Variants in SPIDR observed in about 807,000 individuals in gnomAD.
SPIDR encodes DNA repair-scaffolding protein.
A neutral mutation model predicts 104.6 loss-of-function variants in SPIDR; 93 were observed. The observed-to-expected ratio is 0.89, with a 90% CI of 0.75 to 1.06. The LOEUF (loss-of-function observed/expected upper bound fraction) is 1.06. Ranked by LOEUF, SPIDR falls within the 50% of genes least tolerant of loss-of-function variation. SPIDR has a pLI of 0.00. For synonymous variants in SPIDR, 431 were observed against 416.9 expected (o/e 1.03, Z -0.41); for missense variants, 1,154 against 1,111.2 (o/e 1.04, Z -0.55).
At chr8:47,576,414 G>A (rs1471544921) in intron 8 of SPIDR, among the ~76,000 whole-genome samples, 1 of 152,210 alleles carries the variant, frequency 6.6e-6, no homozygotes, top group Non-Finnish European at 1.5e-5. Flanking sequence ...GCCTCCCAAA[G>A]TGCTGGGATT....
intron 3 of SPIDR, among the ~76,000 whole-genome samples, chr8:47,289,230 T>C (rs1179690005): frequency 6.6e-6 from 1 of 151,996 alleles, no homozygotes; most frequent in Non-Finnish European, 1.5e-5. Flanking sequence ...AGGCTGGAGT[T>C]TTTTTTGTTT....
At chr8:47,511,481 G>C in intron 8 of SPIDR, 1 of 777,364 alleles carries the variant, frequency 1.3e-6, no homozygotes, top group Non-Finnish European at 2.4e-6. Context: ...AGCCTCCACA[G>C]CTCTGCTGGC....
intron 8 of SPIDR, among the ~76,000 whole-genome samples, chr8:47,469,203 G>T (rs1052981978): frequency 2.0e-5 from 3 of 152,150 alleles, no homozygotes; most frequent in Admixed American, 2.0e-4. Flanking sequence ...ACAGCTGCTG[G>T]CAAGGTTGTG....
At chr8:47,449,096 A>C (rs1564002351) in intron 8 of SPIDR, among the ~76,000 whole-genome samples, 1 of 152,100 alleles carries the variant, frequency 6.6e-6, no homozygotes, top group Non-Finnish European at 1.5e-5. Context: ...AGTGTGGAAA[A>C]AGGTGGTGCT....
At chr8:47,263,424 G>A (rs1358031269) in intron 1 of SPIDR, among the ~76,000 whole-genome samples, 4 of 150,622 alleles carry the variant, frequency 2.7e-5, no homozygotes, top group African/African-American at 7.3e-5. Flanking sequence ...TCGCTCTGTC[G>A]CCCAGGCTGG....
chr8:47,707,941 A>C (rs2081311815), intron 14 of SPIDR, among the ~76,000 whole-genome samples: 1 of 152,184 alleles, frequency 6.6e-6, no homozygotes, highest in African/African-American at 2.4e-5. Flanking sequence ...TTCCTGATAA[A>C]TTTGCATTGG....
In SPIDR at chr8:47,701,748, T is replaced by TTG. The variant is rs1169864076; in HGVS notation, c.1805_1806dup (p.Tyr603ValfsTer15). The TTG allele has an allele frequency of 6.2e-7, 1 of 1,614,162 alleles. No homozygotes were observed. Among genetic ancestry groups the TTG allele is most frequent in the Middle Eastern group, 1.6e-4 (1 of 6,062 alleles). On this transcript the variant is annotated frameshift_variant, in exon 13 of 20. Transcript: ENST00000297423. LOFTEE classifies it high-confidence loss of function. The stretch of plus-strand genomic sequence containing the variant: ...AAAAACTCATCTGCCTCCTCCAGCC[T>TTG]TGTGTTACATCCTCACAGCTCATCC...
rs998140269 is a variant in SPIDR, at chr8:47,401,418, C to T, written c.776+4792C>T. 9.1e-4 allele frequency among the ~76,000 whole-genome samples: 138 copies of T among 152,152 alleles called. 6 individuals carry two copies. Among genetic ancestry groups the T allele is most frequent in the Non-Finnish European group, 7.3e-5 (5 of 68,034 alleles). On this transcript the variant is annotated intron_variant, in intron 6 of 19. Transcript: ENST00000297423. ...GACCATTGAGGCTAGGAAGAAACTGCATCAACTAACGAGCAAAATAACCAG... is the reference window on the plus strand; with the variant it reads ...GACCATTGAGGCTAGGAAGAAACTGTATCAACTAACGAGCAAAATAACCAG...
chr8:47,281,317 A>C (rs1161544924), intron 2 of SPIDR, among the ~76,000 whole-genome samples: 1 of 152,156 alleles, frequency 6.6e-6, no homozygotes, highest in East Asian at 1.9e-4. Context: ...AGTTTCCTAA[A>C]ATAAGGCAAA....
At chr8:47,598,620 A>G (rs1459031306) in intron 9 of SPIDR, among the ~76,000 whole-genome samples, 2 of 152,204 alleles carry the variant, frequency 1.3e-5, no homozygotes, top group Non-Finnish European at 2.9e-5. Context: ...TTACCTCAAA[A>G]GAGAAAAATT....
chr8:47,599,099 C>G lies in SPIDR; in HGVS notation c.1447C>G (p.Arg483Gly). 6.2e-7 allele frequency: 1 copy of G among 1,612,542 alleles called. No homozygotes were observed. The highest frequency in any genetic ancestry group is 8.5e-7 in the Non-Finnish European group (1 of 1,179,356). ...TGCCTCGTGGCCAGGAGCTGGAGTCCGAGTGGTGGTGCAAAGAGTGTATTC... is the reference window on the plus strand; with the variant it reads ...TGCCTCGTGGCCAGGAGCTGGAGTCGGAGTGGTGGTGCAAAGAGTGTATTC... ...GAASWPGAGV[R>G]VVVQRVYSLP... The change falls in exon 10 of 20, where the codon CGA (arginine) becomes GGA (glycine). Residue 483 changes from arginine (R) to glycine (G), a missense_variant. Physicochemically the swap from Arg to Gly is moderately radical, Grantham distance 125. Coordinates refer to ENST00000297423, the MANE Select transcript of SPIDR (RefSeq NM_001080394.4).
intron 8 of SPIDR, among the ~76,000 whole-genome samples, chr8:47,549,182 G>A (rs1293665032): frequency 6.6e-6 from 1 of 152,152 alleles, no homozygotes; most frequent in East Asian, 1.9e-4. Context: ...ATGGACATTT[G>A]GGTTGGTTCC....
chr8:47,295,284 G>T (rs913474683), intron 5 of SPIDR, among the ~76,000 whole-genome samples: 4 of 151,914 alleles, frequency 2.6e-5, no homozygotes, highest in Non-Finnish European at 5.9e-5. Context: ...GTGTCTATTT[G>T]TCCTCCTTAT....
intron 5 of SPIDR, among the ~76,000 whole-genome samples, chr8:47,392,010 AAAAG>A (rs1199934394): frequency 1.8e-4 from 27 of 151,234 alleles, no homozygotes; most frequent in African/African-American, 3.6e-4. Flanking sequence ...AAAAAAAAAA[AAAAG>A]AAAGAAAAGA....
intron 1 of SPIDR, among the ~76,000 whole-genome samples, chr8:47,262,706 C>T (rs749580320): frequency 9.2e-5 from 14 of 152,184 alleles, no homozygotes; most frequent in South Asian, 2.1e-4. Flanking sequence ...TGGACCAACC[C>T]GGTACAATGT....
intron 10 of SPIDR, among the ~76,000 whole-genome samples, chr8:47,663,658 CA>C (rs1321597871): frequency 1.3e-5 from 2 of 152,186 alleles, no homozygotes; most frequent in Non-Finnish European, 2.9e-5. Flanking sequence ...TGTGTTCAAG[CA>C]AATCAAGATG....
At chr8:47,678,090 A>G (rs1209705414) in intron 11 of SPIDR, among the ~76,000 whole-genome samples, 3 of 152,026 alleles carry the variant, frequency 2.0e-5, no homozygotes, top group Non-Finnish European at 2.9e-5. Flanking sequence ...AGTAAATATT[A>G]TTTAGTCCCT....
intron 7 of SPIDR, among the ~76,000 whole-genome samples, chr8:47,422,991 G>A (rs552542289): frequency 6.4e-4 from 97 of 152,194 alleles, no homozygotes; most frequent in Middle Eastern, 3.4e-3. Flanking sequence ...ACACTGAGAA[G>A]GTATTGAGTT....
intron 11 of SPIDR, among the ~76,000 whole-genome samples, chr8:47,677,659 C>G (rs563758118): frequency 5.9e-5 from 9 of 152,208 alleles, no homozygotes; most frequent in Non-Finnish European, 1.2e-4. Flanking sequence ...CTGACATGGT[C>G]TTTGACCTTG....
Sources: allele counts gnomAD v4.1 joint callset (sites outside exome capture counted in the v4.1 genomes callset), GRCh38; gene constraint gnomAD v4.1.1; transcripts MANE v1.5; gene names NCBI Gene and HGNC (gene_info 2026-07-23, HGNC 2026-07-21).